KAZN: variants seen among roughly 807,000 people sequenced by gnomAD.
The protein encoded by KAZN is kazrin.
Under a neutral mutation model 87.4 loss-of-function variants are expected in KAZN, and 40 were observed. That is an observed-to-expected ratio of 0.46 (90% CI 0.36 to 0.60). The LOEUF (loss-of-function observed/expected upper bound fraction) is 0.60, where lower values mean the gene tolerates loss of function less well. Among genes scored for constraint, KAZN ranks in the 20% least tolerant of loss-of-function variants. The pLI is 0.00. For missense variants in KAZN, 898 were observed against 1,073.9 expected, an observed-to-expected ratio of 0.84 and a Z score of 2.29; for synonymous variants, 466 against 458.3, an observed-to-expected ratio of 1.02 and a Z score of -0.22.
At chr1:14,864,028 G>T (rs1378646503) in intron 1 of KAZN, among the ~76,000 whole-genome samples, 2 of 152,156 alleles carry the variant, frequency 1.3e-5, no homozygotes, top group Non-Finnish European at 2.9e-5. Context: ...TTCAGAGGCT[G>T]TTATGAGCCA....
intron 1 of KAZN, among the ~76,000 whole-genome samples, chr1:14,732,393 C>A (rs1269365600): frequency 6.6e-6 from 1 of 152,154 alleles, no homozygotes; most frequent in Non-Finnish European, 1.5e-5. Flanking sequence ...AATCCCAGCA[C>A]TTTGGGAGGC....
In KAZN at chr1:15,085,224, G is replaced by T. The variant is rs12032704; in HGVS notation, c.1223-8956G>T. Among the ~76,000 whole-genome samples, 1,486 of 152,268 alleles carry T rather than the reference G, an allele frequency of 9.8e-3. 41 individuals carry two copies. The highest frequency in any genetic ancestry group is 0.085 in the East Asian group (439 of 5,190). On this transcript the variant is annotated intron_variant, in intron 8 of 14. Coordinates refer to ENST00000376030, the MANE Select transcript of KAZN (RefSeq NM_201628.3). ...AGAAATTGCTGTATCGAATACACTAGCCACTAGCCCACATGTTCTTAGATT... is the reference window on the plus strand; with the variant it reads ...AGAAATTGCTGTATCGAATACACTATCCACTAGCCCACATGTTCTTAGATT...
chr1:14,180,668 A>G (rs1199776662), intron 2 of KAZN: 4 of 1,224,348 alleles, frequency 3.3e-6, no homozygotes, highest in Non-Finnish European at 4.5e-6. Flanking sequence ...CTGTCCAAAA[A>G]TGTTCAACTA....
At chr1:15,073,374 A>G (rs1258439783) in intron 8 of KAZN, among the ~76,000 whole-genome samples, 2 of 152,184 alleles carry the variant, frequency 1.3e-5, no homozygotes, top group African/African-American at 2.4e-5. Context: ...AGGAGGTCAC[A>G]TGGGGCAGAG....
intron 13 of KAZN, among the ~76,000 whole-genome samples, chr1:15,109,601 ATGTATGGGTATG>A (rs1438927234): frequency 2.1e-4 from 22 of 105,756 alleles, no homozygotes; most frequent in Admixed American, 5.6e-4. Flanking sequence ...ATGTATGGGT[ATGTATGGGTATG>A]TGTGTGTGTG....
chr1:14,289,399 G>C (rs943979770), intron 2 of KAZN, among the ~76,000 whole-genome samples: 3 of 152,118 alleles, frequency 2.0e-5, no homozygotes, highest in Non-Finnish European at 2.9e-5. Flanking sequence ...GGATAGTTAG[G>C]TCTTCTTGTT....
intron 1 of KAZN, among the ~76,000 whole-genome samples, chr1:13,944,214 C>T (rs573484836): frequency 4.5e-4 from 69 of 152,280 alleles, no homozygotes; most frequent in African/African-American, 1.3e-3. Flanking sequence ...TACGGATACG[C>T]GTTACATCAT....
intron 1 of KAZN, among the ~76,000 whole-genome samples, chr1:14,778,536 T>C (rs931690646): frequency 6.6e-6 from 1 of 152,208 alleles, no homozygotes; most frequent in African/African-American, 2.4e-5. Flanking sequence ...GGAGATCCGT[T>C]CAGTCCATTG....
intron 2 of KAZN, among the ~76,000 whole-genome samples, chr1:14,538,699 T>C: frequency 6.6e-6 from 1 of 152,238 alleles, no homozygotes; most frequent in East Asian, 1.9e-4. Flanking sequence ...GAGGCCCTGA[T>C]GCGCCAAGCA....
rs1640525566 is a variant in KAZN at position 14,015,508 on chromosome 1, T to C, written c.91+121752T>C. On this transcript the variant is annotated intron_variant, in intron 1 of 16. Coordinates refer to the KAZN transcript ENST00000636203. ...TTTTTTTTTTTTTTTGAGATGGAGT[T>C]TCGCTTTTGTTGCCCAGGCTGGAGT... Among the ~76,000 whole-genome samples, 3 of 140,866 alleles carry C rather than the reference T, an allele frequency of 2.1e-5. No individual in the cohort carries two copies. The South Asian group carries it at 7.4e-4, about 35-fold the overall frequency. 92.4% of individuals were successfully genotyped at this position (140,866 alleles called of 152,430 possible). A position where few individuals can be genotyped will look rare whatever the true frequency, so the allele number is the denominator to read the frequency against.
At chr1:14,517,711 T>C (rs1011818125) in intron 2 of KAZN, among the ~76,000 whole-genome samples, 1 of 152,202 alleles carries the variant, frequency 6.6e-6, no homozygotes, top group Non-Finnish European at 1.5e-5. Context: ...ACAGTGGATG[T>C]GCAATCCTAA....
intron 4 of KAZN, among the ~76,000 whole-genome samples, chr1:15,055,640 T>C (rs551275173): frequency 5.2e-4 from 79 of 152,302 alleles, no homozygotes; most frequent in African/African-American, 1.8e-3. Flanking sequence ...CTTCTACTTG[T>C]TGTATGACCT....
chr1:14,642,853 C>A (rs544716945), intron 1 of KAZN, among the ~76,000 whole-genome samples: 2 of 152,020 alleles, frequency 1.3e-5, no homozygotes, highest in South Asian at 4.2e-4. Flanking sequence ...AAAAAAATGG[C>A]CTAAATGAAA....
chr1:13,918,168 T>G (rs1639930709), intron 1 of KAZN, among the ~76,000 whole-genome samples: 1 of 152,232 alleles, frequency 6.6e-6, no homozygotes, highest in Non-Finnish European at 1.5e-5. Flanking sequence ...ATTCCTCTGA[T>G]GGATCTGGGC....
Position 14,257,678 on chromosome 1 carries a change from T to C in KAZN, c.249+77086T>C, listed in dbSNP as rs185658731. On this transcript the variant is annotated intron_variant, in intron 2 of 16. Coordinates refer to the KAZN transcript ENST00000636203. ...TGTAAGGAAGGGATCCAGTTTCAGC[T>C]TTCTACATATGGCTAGCCAGTTTTC... Among the ~76,000 whole-genome samples the C allele has an allele frequency of 8.2e-4, 123 of 150,164 alleles. 1 individual carries two copies. The highest frequency in any genetic ancestry group is 6.9e-3 in the Middle Eastern group (2 of 290).
chr1:14,385,789 G>T (rs1661826016), intron 2 of KAZN, among the ~76,000 whole-genome samples: 1 of 150,152 alleles, frequency 6.7e-6, no homozygotes, highest in Non-Finnish European at 1.5e-5. Flanking sequence ...TGTATATTCT[G>T]TTGATTTGGG....
At chr1:15,036,027 A>C (rs913319509) in intron 3 of KAZN, among the ~76,000 whole-genome samples, 6 of 151,612 alleles carry the variant, frequency 4.0e-5, no homozygotes, top group African/African-American at 1.5e-4. Context: ...GGTCCCCCCT[A>C]CCCACTTTGG....
chr1:14,329,342 C>T (rs1311433024), intron 2 of KAZN, among the ~76,000 whole-genome samples: 2 of 152,122 alleles, frequency 1.3e-5, no homozygotes, highest in Admixed American at 6.6e-5. Flanking sequence ...GTCAGCACCA[C>T]CTACACCACA....
chr1:14,073,975 G>T (rs915426007), intron 1 of KAZN, among the ~76,000 whole-genome samples: 1 of 152,080 alleles, frequency 6.6e-6, no homozygotes, highest in Admixed American at 6.5e-5. Flanking sequence ...GTCTGTCTTG[G>T]TGAACATTCT....
Sources: gnomAD v4.1 joint callset for allele counts (sites outside exome capture counted in the v4.1 genomes callset) on GRCh38, gnomAD v4.1.1 for gene constraint, MANE v1.5 for transcripts, NCBI Gene and HGNC (gene_info 2026-07-23, HGNC 2026-07-21) for gene names.